LYPLAL1: variants seen among roughly 807,000 people sequenced by gnomAD.
LYPLAL1 encodes lysophospholipase-like protein 1.
Under a neutral mutation model 19.7 loss-of-function variants are expected in LYPLAL1, and 23 were observed. The observed-to-expected ratio is 1.17, with a 90% CI of 0.84 to 1.65. The LOEUF (loss-of-function observed/expected upper bound fraction) is 1.65. LYPLAL1 is among the 40% of genes most tolerant of loss of function. LYPLAL1 has a pLI of 0.00. For missense variants in LYPLAL1, 355 were observed against 279.4 expected (o/e 1.27, Z -1.93); for synonymous variants, 119 against 96.3 (o/e 1.24, Z -1.38).
the LYPLAL1 span, among the ~76,000 whole-genome samples, chr1:219,361,155 A>C: frequency 6.6e-6 from 1 of 152,224 alleles, no homozygotes; most frequent in Non-Finnish European, 1.5e-5. Flanking sequence ...GAGACCAGCA[A>C]AAAGTCTGTT....
chr1:219,275,719 A>G, the LYPLAL1 span, among the ~76,000 whole-genome samples: 1 of 152,192 alleles, frequency 6.6e-6, no homozygotes, highest in East Asian at 1.9e-4. Flanking sequence ...TTTAAGTATT[A>G]AAACTTTAAT....
chr1:219,188,819 A>G (rs2125053391), intron 2 of LYPLAL1, among the ~76,000 whole-genome samples: 1 of 151,812 alleles, frequency 6.6e-6, no homozygotes, highest in East Asian at 1.9e-4. Flanking sequence ...GTAATGTCTG[A>G]GGAGTTTTAT....
chr1:219,435,234 T>A, the LYPLAL1 span: 1 of 152,004 alleles, frequency 6.6e-6, no homozygotes, highest in Non-Finnish European at 1.5e-5. Flanking sequence ...TAAAGAGATT[T>A]AAAAACTAAG....
chr1:219,211,911 T>G lies in LYPLAL1; in HGVS notation c.*183T>G, dbSNP rs958772030. The G allele has an allele frequency of 2.4e-5, 10 of 423,146 alleles. No homozygotes were observed. Among genetic ancestry groups the G allele is most frequent in the Non-Finnish European group, 3.7e-5 (9 of 240,650 alleles). 26.2% of individuals were successfully genotyped at this position (423,146 alleles called of 1,614,324 possible). On this transcript the variant is annotated 3_prime_UTR_variant, in exon 5 of 5. Transcript: ENST00000366928. Reference sequence around the variant, plus strand: ...TAATGAAAAACAATAGACAAACATCTGTGCATAATTTTTCAGACACAATTC... The same window carrying G: ...TAATGAAAAACAATAGACAAACATCGGTGCATAATTTTTCAGACACAATTC...
chr1:219,380,917 G>A, the LYPLAL1 span, among the ~76,000 whole-genome samples: 2 of 152,156 alleles, frequency 1.3e-5, no homozygotes, highest in East Asian at 3.9e-4. Flanking sequence ...GCACCAGGCT[G>A]AATTTGACCC....
the LYPLAL1 span, among the ~76,000 whole-genome samples, chr1:219,299,330 T>C: frequency 2.0e-5 from 3 of 151,956 alleles, no homozygotes; most frequent in Non-Finnish European, 1.5e-5. Flanking sequence ...GGTTATTACA[T>C]AGTAGTAATA....
intron 2 of LYPLAL1, among the ~76,000 whole-genome samples, chr1:219,181,435 A>G (rs1290275945): frequency 3.3e-5 from 5 of 152,178 alleles, no homozygotes; most frequent in African/African-American, 9.7e-5. Context: ...ATTTTTACTT[A>G]TTGGTTTGCT....
At chr1:219,378,364 C>T in the LYPLAL1 span, among the ~76,000 whole-genome samples, 11 of 152,092 alleles carry the variant, frequency 7.2e-5, no homozygotes, top group African/African-American at 1.7e-4. Flanking sequence ...GGAAAAGCCC[C>T]TTATAAAACC....
chr1:219,195,006 G>T (rs12093892), intron 3 of LYPLAL1, among the ~76,000 whole-genome samples: 20,593 of 151,950 alleles, frequency 0.14, 1,474 homozygotes, highest in East Asian at 0.26. Flanking sequence ...ACTAGAACGT[G>T]ATGGCATAAT....
At chr1:219,407,044 T>C in the LYPLAL1 span, among the ~76,000 whole-genome samples, 3 of 152,206 alleles carry the variant, frequency 2.0e-5, no homozygotes, top group African/African-American at 7.2e-5. Flanking sequence ...TGTTTCACAT[T>C]GCAAAATGGC....
chr1:219,183,854 G>T (rs756071167), intron 2 of LYPLAL1, among the ~76,000 whole-genome samples: 3 of 151,816 alleles, frequency 2.0e-5, no homozygotes, highest in Admixed American at 6.6e-5. Flanking sequence ...ATCATTTCCA[G>T]TTTTGAGATC....
chr1:219,309,174 T>G, the LYPLAL1 span, among the ~76,000 whole-genome samples: 70,547 of 152,052 alleles, frequency 0.46, 16,414 homozygotes, highest in Admixed American at 0.48. Flanking sequence ...CATGAGACTT[T>G]CATGAGCCCT....
chr1:219,177,711 A>G (rs1487741316), intron 1 of LYPLAL1, among the ~76,000 whole-genome samples: 2 of 152,166 alleles, frequency 1.3e-5, no homozygotes, highest in African/African-American at 4.8e-5. Context: ...TATCTACATC[A>G]TCGCTGTAGT....
downstream of LYPLAL1, among the ~76,000 whole-genome samples, chr1:219,215,453 G>T (rs1430138241): frequency 6.6e-6 from 1 of 151,988 alleles, no homozygotes; most frequent in East Asian, 1.9e-4. Context: ...TTTCTCACGT[G>T]TCTTGTGCTT....
the LYPLAL1 span, among the ~76,000 whole-genome samples, chr1:219,224,115 G>A: frequency 6.6e-6 from 1 of 152,108 alleles, no homozygotes; most frequent in East Asian, 1.9e-4. Context: ...GAAATATTGA[G>A]TGGGGGTGTC....
At chr1:219,262,421 T>A in the LYPLAL1 span, among the ~76,000 whole-genome samples, 5 of 152,196 alleles carry the variant, frequency 3.3e-5, no homozygotes, top group Admixed American at 6.5e-5. Context: ...TTTCATCATA[T>A]TACCAGAATT....
At chr1:219,260,516 T>A in the LYPLAL1 span, among the ~76,000 whole-genome samples, 9 of 151,418 alleles carry the variant, frequency 5.9e-5, no homozygotes, top group Admixed American at 5.3e-4. Flanking sequence ...AAATACTTGA[T>A]AAAATATATC....
chr1:219,244,121 G>A, the LYPLAL1 span, among the ~76,000 whole-genome samples: 13 of 152,162 alleles, frequency 8.5e-5, no homozygotes, highest in Admixed American at 7.2e-4. Flanking sequence ...AAAGTTTCTG[G>A]TAGAGTCCAT....
the LYPLAL1 span, among the ~76,000 whole-genome samples, chr1:219,235,501 A>G: frequency 2.2e-4 from 33 of 152,336 alleles, no homozygotes; most frequent in African/African-American, 7.7e-4. Flanking sequence ...TGCACTTTTA[A>G]TATTTCAGAT....
Sources: gnomAD v4.1 joint callset for allele counts (sites outside exome capture counted in the v4.1 genomes callset) on GRCh38, gnomAD v4.1.1 for gene constraint, MANE v1.5 for transcripts, NCBI Gene and HGNC (gene_info 2026-07-23, HGNC 2026-07-21) for gene names.